Variants in LNP1 observed in about 807,000 individuals in gnomAD.
LNP1 encodes leukemia NUP98 fusion partner 1.
Under a neutral mutation model 14.5 loss-of-function variants are expected in LNP1, and 12 were observed. The ratio of observed to expected loss-of-function variants is 0.83; its 90% CI spans 0.53 to 1.34. The LOEUF (loss-of-function observed/expected upper bound fraction) is 1.34, where lower values mean the gene tolerates loss of function less well. Among genes scored for constraint, LNP1 ranks in the 40% most tolerant of loss-of-function variants. The pLI, the probability that LNP1 is intolerant of heterozygous loss-of-function variation, is 0.00. For missense variants in LNP1, 198 were observed against 210.9 expected, an observed-to-expected ratio of 0.94 and a Z score of 0.38; for synonymous variants, 75 against 71.4, an observed-to-expected ratio of 1.05 and a Z score of -0.26.
chr3:100,449,434 G>A (rs1459694610), intron 2 of LNP1, among the ~76,000 whole-genome samples: 1 of 152,118 alleles, frequency 6.6e-6, no homozygotes, highest in African/African-American at 2.4e-5. Context: ...AGGAAAAACA[G>A]GTTTCTCCCC....
intron 1 of LNP1, among the ~76,000 whole-genome samples, chr3:100,418,606 C>T (rs1167400721): frequency 6.6e-6 from 1 of 152,106 alleles, no homozygotes; most frequent in Non-Finnish European, 1.5e-5. Context: ...ACAGAGCTTC[C>T]TCTTCTGTTG....
intron 2 of LNP1, among the ~76,000 whole-genome samples, chr3:100,439,971 A>G (rs1480082407): frequency 1.3e-5 from 2 of 152,176 alleles, no homozygotes; most frequent in Non-Finnish European, 2.9e-5. Context: ...AAAATACCAC[A>G]CACTGGGTGG....
intron 2 of LNP1, 183 bp from the exon 3 acceptor site, chr3:100,451,536 C>G (rs1707437585): frequency 1.0e-5 from 6 of 578,794 alleles, no homozygotes; most frequent in South Asian, 7.2e-5. Flanking sequence ...CTAAGCTGTT[C>G]CCAGCTTGAC....
chr3:100,432,556 CT>C (rs2148904137), intron 2 of LNP1, among the ~76,000 whole-genome samples: 1 of 152,234 alleles, frequency 6.6e-6, no homozygotes, highest in African/African-American at 2.4e-5. Flanking sequence ...TAGAATGCTA[CT>C]TTTTCCCCAG....
chr3:100,429,008 A>T (rs957795074), intron 1 of LNP1, among the ~76,000 whole-genome samples: 3 of 152,198 alleles, frequency 2.0e-5, no homozygotes, highest in African/African-American at 7.2e-5. Flanking sequence ...GCAATGTTTT[A>T]TGTCTTTACC....
chr3:100,429,506 C>T (rs1287725786), intron 1 of LNP1, among the ~76,000 whole-genome samples, 191 bp from the exon 2 acceptor site: 7 of 152,138 alleles, frequency 4.6e-5, no homozygotes, highest in Non-Finnish European at 2.9e-5. Context: ...GGAATGTGGG[C>T]TGCACAATTT....
intron 2 of LNP1, among the ~76,000 whole-genome samples, chr3:100,432,366 A>C (rs1707251298): frequency 1.3e-5 from 2 of 152,022 alleles, no homozygotes; most frequent in Admixed American, 1.3e-4. Flanking sequence ...CACAGTGATC[A>C]ACATTAATTA....
At chr3:100,444,868 TA>T (rs1202234755) in intron 2 of LNP1, among the ~76,000 whole-genome samples, 2 of 152,236 alleles carry the variant, frequency 1.3e-5, no homozygotes, top group Non-Finnish European at 2.9e-5. Flanking sequence ...TGAAAACCTT[TA>T]TAACCTTTAT....
intron 1 of LNP1, among the ~76,000 whole-genome samples, chr3:100,404,779 C>T (rs1706947184): frequency 1.4e-5 from 2 of 142,888 alleles, no homozygotes; most frequent in Non-Finnish European, 3.0e-5. Context: ...CATTCTTTCT[C>T]TTTGTGTTAT....
chr3:100,432,204 C>G (rs1005413384), intron 2 of LNP1, among the ~76,000 whole-genome samples: 1 of 151,412 alleles, frequency 6.6e-6, no homozygotes, highest in African/African-American at 2.4e-5. Flanking sequence ...TTTTAATAAT[C>G]TATAACCATC....
chr3:100,427,843 CACAGG>C (rs1707208942), intron 1 of LNP1, among the ~76,000 whole-genome samples: 1 of 152,246 alleles, frequency 6.6e-6, no homozygotes, highest in Non-Finnish European at 1.5e-5. Context: ...GTTGTGATAA[CACAGG>C]AAGTCTTGGC....
intron 1 of LNP1, among the ~76,000 whole-genome samples, chr3:100,409,770 T>C (rs1707011166): frequency 6.6e-6 from 1 of 151,516 alleles, no homozygotes; most frequent in East Asian, 2.0e-4. Context: ...AATTTTTGTA[T>C]TTTTAGTAGA....
chr3:100,406,058 G>T (rs1251623594), intron 1 of LNP1, among the ~76,000 whole-genome samples: 2 of 152,140 alleles, frequency 1.3e-5, no homozygotes, highest in East Asian at 3.9e-4. Context: ...GGCCGAAGCG[G>T]GTGGATCACC....
intron 2 of LNP1, among the ~76,000 whole-genome samples, chr3:100,444,346 T>C (rs988176366): frequency 1.1e-4 from 16 of 152,352 alleles, no homozygotes; most frequent in South Asian, 4.1e-4. Context: ...TTACTTATAA[T>C]GTCCATTAAG....
intron 1 of LNP1, among the ~76,000 whole-genome samples, chr3:100,408,968 A>T (rs1706998456): frequency 6.6e-6 from 1 of 152,114 alleles, no homozygotes; most frequent in South Asian, 2.1e-4. Context: ...AGTTGTTCAA[A>T]TTCATATTTC....
intron 2 of LNP1, 171 bp from the exon 3 acceptor site, chr3:100,451,548 T>C (rs1284617289): frequency 1.0e-5 from 6 of 583,570 alleles, no homozygotes; most frequent in African/African-American, 1.9e-5. Context: ...CAGCTTGACT[T>C]TTCCCTTTAG....
intron 2 of LNP1, among the ~76,000 whole-genome samples, chr3:100,432,045 T>C (rs1223176011): frequency 9.4e-6 from 1 of 106,142 alleles, no homozygotes; most frequent in Non-Finnish European, 2.0e-5. Context: ...TATATATATA[T>C]ATATATATTC....
intron 2 of LNP1, among the ~76,000 whole-genome samples, chr3:100,436,988 C>T (rs1052491350): frequency 6.6e-6 from 1 of 152,176 alleles, no homozygotes; most frequent in Non-Finnish European, 1.5e-5. Flanking sequence ...AGAGAGCCCT[C>T]ACCAGGAACT....
At position 100,408,553 on chromosome 3, in the gene LNP1, C is replaced by T. The variant is rs1354311678; in HGVS notation, c.-34+6114C>T. Reference sequence around the variant, plus strand: ...GCTGTGGGTTATTTGGATCCCAAGACCACTGTAGTTGGCTGATGGTGATGT... The same window carrying T: ...GCTGTGGGTTATTTGGATCCCAAGATCACTGTAGTTGGCTGATGGTGATGT... On this transcript the variant is annotated intron_variant, in intron 1 of 3. Transcript: ENST00000383693. 2.6e-5 allele frequency among the ~76,000 whole-genome samples: 4 copies of T among 152,192 alleles called. No individual in the cohort carries two copies. The South Asian group carries it at 6.2e-4, about 24-fold the overall frequency.
Sources: allele counts gnomAD v4.1 joint callset (sites outside exome capture counted in the v4.1 genomes callset), GRCh38; gene constraint gnomAD v4.1.1; transcripts MANE v1.5; gene names NCBI Gene and HGNC (gene_info 2026-07-23, HGNC 2026-07-21).